Variants in VPS52 observed in about 807,000 individuals in gnomAD.
The protein encoded by VPS52 is VPS52 subunit of GARP complex, also known as vacuolar protein sorting-associated protein 52 homolog.
A neutral mutation model predicts 98.7 loss-of-function variants in VPS52; 56 were observed. The ratio of observed to expected loss-of-function variants is 0.57; its 90% confidence interval spans 0.46 to 0.71. The LOEUF (loss-of-function observed/expected upper bound fraction) is 0.71. Among genes scored for constraint, VPS52 ranks in the 30% least tolerant of loss-of-function variants. VPS52 has a pLI of 0.00. For synonymous variants in VPS52, 348 were observed against 346.4 expected (o/e 1.00, Z -0.05); for missense variants, 742 against 925.9 (o/e 0.80, Z 2.58).
rs1764617691 is a variant in VPS52 at position 33,268,564 on chromosome 6, GCTCT to G, written c.630_633del (p.Arg210SerfsTer25). ...CAGGCTGCTGTGCCTCTAGCTTCCTGCTCTCTGACTGCGGCTGCCTTGGCATCCA... is the reference window on the plus strand; with the variant it reads ...CAGGCTGCTGTGCCTCTAGCTTCCTGCTGACTGCGGCTGCCTTGGCATCCA... On this transcript the variant is annotated frameshift_variant, in exon 7 of 20. Transcript: ENST00000445902. LOFTEE classifies it high-confidence loss of function. This position sits in a 1 kb window ranked among gnomAD's most constrained non-coding sequence, Gnocchi z 4.0. 6.2e-7 allele frequency: 1 copy of G among 1,612,580 alleles called. No homozygotes were observed. Among genetic ancestry groups the G allele is most frequent in the Non-Finnish European group, 8.5e-7 (1 of 1,179,964 alleles).
In VPS52 at chr6:33,251,961, TC is replaced by T; in HGVS notation, c.1804del (p.Glu602LysfsTer11). 4 of 1,613,096 alleles carry T rather than the reference TC, an allele frequency of 2.5e-6. No homozygotes were observed. The highest frequency in any genetic ancestry group is 3.4e-6 in the Non-Finnish European group (4 of 1,180,010). On this transcript the variant is annotated frameshift_variant, in exon 18 of 20. Coordinates refer to ENST00000445902, the MANE Select transcript of VPS52 (RefSeq NM_022553.6). LOFTEE classifies it high-confidence loss of function. ...LLNARTQEFIEELLSPPFGGL... is the reference protein window; with the variant it reads ...LLNARTQEFIXELLSPPFGGL... ...CCCAAAAGGGGGAGACAGCAACTCT[TC>T]AATGAATTCCTGGAAAGACACAAAC...
In VPS52 at chr6:33,270,193, G is replaced by A. The variant is rs201922906; in HGVS notation, c.175+6C>T. ...GGTACTGCACCCACCCCATGCCATCGCTTACCATCCACTTCATCCAGGATG... is the reference window on the plus strand; with the variant it reads ...GGTACTGCACCCACCCCATGCCATCACTTACCATCCACTTCATCCAGGATG... On this transcript the variant is annotated splice_donor_region_variant and intron_variant, in intron 2 of 19. Transcript: ENST00000445902. 5.6e-6 allele frequency: 9 copies of A among 1,611,984 alleles called. No homozygotes were observed. Among genetic ancestry groups the A allele is most frequent in the African/African-American group, 2.7e-5 (2 of 74,910 alleles).
In VPS52 at chr6:33,269,122, A is replaced by G; in HGVS notation, c.440T>C (p.Leu147Pro). 6.2e-7 allele frequency: 1 copy of G among 1,613,014 alleles called. No individual in the cohort carries two copies. The highest frequency in any genetic ancestry group is 1.1e-5 in the South Asian group (1 of 91,076). Residue 147 changes from leucine (L) to proline (P), a missense_variant, in exon 6 of 20, where the codon CTG (leucine) becomes CCG (proline). This residue lies in a region of VPS52 where 590 missense variants were observed against 793.3 expected (regional missense o/e 0.74). Transcript: ENST00000445902. ...LSSISSEIRTLQEQSGAMNIR... is the reference protein window; with the variant it reads ...LSSISSEIRTPQEQSGAMNIR... ...GTTCATGGCTCCTGACTGTTCCTGC[A>G]GTGTCCGGATCTCAGAGCTGATGGA...
Position 33,253,260 on chromosome 6 carries a change from C to T in VPS52, c.1795-1289G>A, listed in dbSNP as rs186656316. Among the ~76,000 whole-genome samples, 325 of 152,088 alleles carry T rather than the reference C, an allele frequency of 2.1e-3. 1 individual carries two copies. Among genetic ancestry groups the T allele is most frequent in the African/African-American group, 7.2e-3 (298 of 41,478 alleles). ...ATCCCAGCATTTTGGGAGGCTGAGG[C>T]GGGTAGATCACCTGAGGTCAGGAGT... On this transcript the variant is annotated intron_variant, in intron 17 of 19. Transcript: ENST00000445902.
intron 11 of VPS52, 149 bp from the exon 12 acceptor site, chr6:33,266,861 G>T: frequency 9.2e-7 from 1 of 1,085,862 alleles, no homozygotes; most frequent in Non-Finnish European, 1.3e-6. Flanking sequence ...CTAAGAGCAA[G>T]CTGAATGGGC....
Position 33,250,844 on chromosome 6 carries a change from G to A in VPS52, c.2169C>T (p.Phe723=), listed in dbSNP as rs1562522032. Residue 723 remains phenylalanine (F), a synonymous_variant, in exon 20 of 20, where the codon TTC becomes TTT. Transcript: ENST00000445902. The part of the protein sequence containing the change: ...MVELKKHKPN[F] Reference sequence around the variant, plus strand: ...TCTCAGGGCGGTTTCTGGCACATCAGAAGTTGGGCTTATGCTTCTTGAGCT... The same window carrying A: ...TCTCAGGGCGGTTTCTGGCACATCAAAAGTTGGGCTTATGCTTCTTGAGCT... 6.2e-7 allele frequency: 1 copy of A among 1,610,974 alleles called. No homozygotes were observed. Among genetic ancestry groups the A allele is most frequent in the Non-Finnish European group, 8.5e-7 (1 of 1,178,356 alleles).
chr6:33,252,805 G>A (rs912145503), intron 17 of VPS52, among the ~76,000 whole-genome samples: 10 of 152,024 alleles, frequency 6.6e-5, no homozygotes, highest in African/African-American at 2.4e-4. Flanking sequence ...GAGATAGTAG[G>A]AGATACAGAA....
At position 33,266,570 on chromosome 6, in the gene VPS52, A is replaced by C. The variant is rs1265939218; in HGVS notation, c.1268T>G (p.Leu423Arg). The C allele has an allele frequency of 2.5e-6, 4 of 1,606,604 alleles. No homozygotes were observed. The highest frequency in any genetic ancestry group is 3.4e-6 in the Non-Finnish European group (4 of 1,176,400). The change falls in exon 12 of 20, where the codon CTC becomes CGC. Residue 423 changes from leucine to arginine, a missense_variant. By Grantham distance (102) the Leu-to-Arg change is moderately radical. Coordinates refer to ENST00000445902, the MANE Select transcript of VPS52 (RefSeq NM_022553.6). ...CAGGAGTCTTACCAGGGTCATGCTG[A>C]GTGTACGGCCCATGACAGCATGGAA... ...DLFHAVMGRTLSMTLKHLDSY... is the reference protein window; with the variant it reads ...DLFHAVMGRTRSMTLKHLDSY...
At chr6:33,261,768 C>T (rs1045397058) in intron 17 of VPS52, among the ~76,000 whole-genome samples, 6 of 151,710 alleles carry the variant, frequency 4.0e-5, no homozygotes, top group African/African-American at 9.7e-5. Context: ...CAGCTGGGCA[C>T]GGTGGCTCAC....
intron 16 of VPS52, 97 bp from the exon 17 acceptor site, chr6:33,263,646 CTG>C: frequency 6.3e-7 from 1 of 1,577,198 alleles, no homozygotes; most frequent in Non-Finnish European, 8.7e-7. Context: ...AAGCTGGACA[CTG>C]TGCCAGACTC....
Position 33,251,844 on chromosome 6 carries a change from C to G in VPS52, c.1906+16G>C, listed in dbSNP as rs554610505. ...CCCTTACCACTGATCCCATCATTACCATATTTTCCTCATACCTTCTTCCCC... is the reference window on the plus strand; with the variant it reads ...CCCTTACCACTGATCCCATCATTACGATATTTTCCTCATACCTTCTTCCCC... On this transcript the variant is annotated intron_variant, in intron 18 of 19. Transcript: ENST00000445902. 4 of 1,612,436 alleles carry G rather than the reference C, an allele frequency of 2.5e-6. No homozygotes were observed. In the African/African-American group the frequency reaches 5.3e-5, roughly 21 times the overall value.
At chr6:33,259,021 T>G (rs111370967) in intron 17 of VPS52, among the ~76,000 whole-genome samples, 5,758 of 152,288 alleles carry the variant, frequency 0.038, 186 homozygotes, top group African/African-American at 0.086. Flanking sequence ...TGAGGTACAC[T>G]GACACACAGA....
At chr6:33,269,311 A>C (rs530839729) in intron 5 of VPS52, 122 bp from the exon 6 acceptor site, 13 of 1,438,202 alleles carry the variant, frequency 9.0e-6, no homozygotes, top group Non-Finnish European at 1.1e-5. Flanking sequence ...ATGATGAGAC[A>C]CCCCAGATTA....
rs914696022 is a variant in VPS52 at position 33,266,847 on chromosome 6, C to T, written c.1126-135G>A. On this transcript the variant is annotated intron_variant, in intron 11 of 19. Coordinates refer to ENST00000445902, the MANE Select transcript of VPS52 (RefSeq NM_022553.6). ...CCCTTCGCATCTATCTAGGTCCGGG[C>T]TGTCTAAGAGCAAGCTGAATGGGCA... The T allele has an allele frequency of 5.7e-6, 7 of 1,219,810 alleles. No homozygotes were observed. The African/African-American group carries it at 7.6e-5, about 13-fold the overall frequency. The allele number at this position is 1,219,810 out of a possible 1,614,324, so 75.6% of individuals were successfully genotyped here.
chr6:33,264,315 A>T (rs369245452), intron 14 of VPS52, 59 bp downstream of exon 14: 13 of 1,598,782 alleles, frequency 8.1e-6, no homozygotes, highest in East Asian at 6.7e-5. Flanking sequence ...GCCAACCCCC[A>T]CAATGATGCT....
chr6:33,264,177 A>G, intron 14 of VPS52, 74 bp from the exon 15 acceptor site: 1 of 1,577,604 alleles, frequency 6.3e-7, no homozygotes, highest in Admixed American at 1.7e-5. Flanking sequence ...TTCCTTAGCC[A>G]ACCCACCTCC....
At position 33,268,261 on chromosome 6, in the gene VPS52, T is replaced by A. The variant is rs1764584679; in HGVS notation, c.700-53A>T. ...ATGAAGCTGCAACCCTTTTGCTGTA[T>A]GAGAGGAACTGGGGGAAGCAACAAA... On this transcript the variant is annotated intron_variant, in intron 7 of 19. Coordinates refer to ENST00000445902, the MANE Select transcript of VPS52 (RefSeq NM_022553.6). The surrounding 1 kb of genome is among the most constrained non-coding windows in gnomAD (Gnocchi z 4.0). 6.4e-7 allele frequency: 1 copy of A among 1,569,366 alleles called. No individual in the cohort carries two copies.
At chr6:33,261,549 C>A (rs1763636647) in intron 17 of VPS52, among the ~76,000 whole-genome samples, 1 of 151,608 alleles carries the variant, frequency 6.6e-6, no homozygotes, top group Non-Finnish European at 1.5e-5. Context: ...TGAAACTATA[C>A]CCCTATCTCT....
intron 17 of VPS52, among the ~76,000 whole-genome samples, chr6:33,255,919 G>T (rs1001799027): frequency 5.5e-4 from 83 of 152,112 alleles, no homozygotes; most frequent in African/African-American, 1.9e-3. Context: ...TGGGATTACA[G>T]GCATGAGCCA....
Sources: gnomAD v4.1 joint callset for allele counts (sites outside exome capture counted in the v4.1 genomes callset) on GRCh38, gnomAD v4.1.1 for gene constraint, gnomAD v4.1.1 regional missense constraint, Gnocchi (gnomAD v3.1) non-coding constraint, MANE v1.5 for transcripts, NCBI Gene and HGNC (gene_info 2026-07-23, HGNC 2026-07-21) for gene names.